The following UGT8 variants were observed in gnomAD, a reference collection of about 807,000 sequenced individuals.
UGT8 encodes 2-hydroxyacylsphingosine 1-beta-galactosyltransferase.
In UGT8, 12 loss-of-function variants were observed where a neutral mutation model predicts 40.5. That is an observed-to-expected ratio of 0.30 (90% CI 0.19 to 0.48). The LOEUF is 0.48. Ranked by LOEUF, UGT8 falls within the 20% of genes least tolerant of loss-of-function variation. UGT8 has a pLI of 0.99. For synonymous variants in UGT8, 224 were observed against 240.4 expected (o/e 0.93, Z 0.63); for missense variants, 513 against 648.7 (o/e 0.79, Z 2.27).
chr4:114,665,878 G>C (rs1310109953), intron 4 of UGT8, 122 bp downstream of exon 4: 10 of 596,128 alleles, frequency 1.7e-5, no homozygotes, highest in Non-Finnish European at 2.6e-5. Context: ...GTATATGGTA[G>C]AGTTATTATG....
intron 2 of UGT8, among the ~76,000 whole-genome samples, chr4:114,630,239 A>G (rs887842871): frequency 1.3e-5 from 2 of 152,220 alleles, no homozygotes; most frequent in African/African-American, 4.8e-5. Context: ...TGTTCCTTGT[A>G]CAAAATACCA....
chr4:114,608,535 A>G (rs1050218392), intron 1 of UGT8, among the ~76,000 whole-genome samples: 3 of 151,916 alleles, frequency 2.0e-5, no homozygotes, highest in South Asian at 2.1e-4. Context: ...ATTTTTTTTT[A>G]ACAAGGTGTT....
intron 2 of UGT8, among the ~76,000 whole-genome samples, chr4:114,650,056 G>A (rs1733807178): frequency 6.6e-6 from 1 of 152,092 alleles, no homozygotes; most frequent in African/African-American, 2.4e-5. Context: ...TACCCACCCT[G>A]AGCTCACATG....
chr4:114,621,934 A>G (rs1252810223), intron 1 of UGT8, among the ~76,000 whole-genome samples: 1 of 151,974 alleles, frequency 6.6e-6, no homozygotes, highest in Non-Finnish European at 1.5e-5. Flanking sequence ...ATGTTAGTGT[A>G]TAATACTATA....
At chr4:114,618,583 A>AT (rs1385124818) in intron 1 of UGT8, among the ~76,000 whole-genome samples, 1 of 152,180 alleles carries the variant, frequency 6.6e-6, no homozygotes, top group East Asian at 1.9e-4. Flanking sequence ...TTAATCTGCC[A>AT]TTTTAAACTG....
At chr4:114,664,311 C>T (rs1262580791) in intron 3 of UGT8, among the ~76,000 whole-genome samples, 174 bp downstream of exon 3, 1 of 152,078 alleles carries the variant, frequency 6.6e-6, no homozygotes, top group Non-Finnish European at 1.5e-5. Flanking sequence ...TCATAAGGCT[C>T]TATGATGGTT....
chr4:114,629,241 G>C (rs888486401), intron 2 of UGT8, among the ~76,000 whole-genome samples: 6 of 152,118 alleles, frequency 3.9e-5, no homozygotes, highest in African/African-American at 1.4e-4. Context: ...AGCTATGTGG[G>C]GGTCAGAAAA....
intron 5 of UGT8, among the ~76,000 whole-genome samples, chr4:114,672,586 G>C (rs1735363157): frequency 6.6e-6 from 1 of 152,076 alleles, no homozygotes; most frequent in African/African-American, 2.4e-5. Context: ...AATACTGCGT[G>C]TTCTCACTCA....
intron 2 of UGT8, among the ~76,000 whole-genome samples, chr4:114,640,568 C>T (rs868865821): frequency 6.6e-6 from 1 of 152,084 alleles, no homozygotes; most frequent in African/African-American, 2.4e-5. Context: ...TGTATTAGTT[C>T]GTTTTCACAC....
At chr4:114,667,746 A>G in intron 4 of UGT8, 1 of 342,364 alleles carries the variant, frequency 2.9e-6, no homozygotes, top group Non-Finnish European at 4.1e-6. Flanking sequence ...CTGTTTTTTC[A>G]CTCTGGTATT....
chr4:114,618,776 T>C (rs1425045344), intron 1 of UGT8, among the ~76,000 whole-genome samples: 2 of 152,208 alleles, frequency 1.3e-5, no homozygotes, highest in Non-Finnish European at 2.9e-5. Context: ...AACACTGTGC[T>C]ATTCAATTTA....
At chr4:114,606,287 C>A in intron 1 of UGT8, among the ~76,000 whole-genome samples, 1 of 152,110 alleles carries the variant, frequency 6.6e-6, no homozygotes, top group East Asian at 1.9e-4. Flanking sequence ...TTACTAGCAA[C>A]GGAATGAGTG....
chr4:114,604,814 A>G (rs992835017), intron 1 of UGT8, among the ~76,000 whole-genome samples: 1 of 152,184 alleles, frequency 6.6e-6, no homozygotes, highest in East Asian at 1.9e-4. Context: ...TGAATTTTAT[A>G]TCTGTAGTTT....
In UGT8 at chr4:114,664,148, A is replaced by G. The variant is rs1262966161; in HGVS notation, c.965+11A>G. The stretch of plus-strand genomic sequence containing the variant: ...AAAAGTGATTTGGAGGTAAGGTAAT[A>G]ATGTAGATTGTTTCTTTGCTATTGA... On this transcript the variant is annotated intron_variant, in intron 3 of 5. Coordinates refer to ENST00000310836, the MANE Select transcript of UGT8 (RefSeq NM_001128174.3). The G allele has an allele frequency of 6.2e-7, 1 of 1,612,820 alleles. No individual in the cohort carries two copies. Among genetic ancestry groups the G allele is most frequent in the South Asian group, 1.1e-5 (1 of 91,054 alleles).
intron 2 of UGT8, among the ~76,000 whole-genome samples, chr4:114,659,167 T>G (rs1185157222): frequency 1.3e-5 from 2 of 152,180 alleles, no homozygotes; most frequent in Non-Finnish European, 2.9e-5. Flanking sequence ...ATGCAAATAC[T>G]TAACATATAG....
At chr4:114,674,602 A>G (rs972759398) in intron 5 of UGT8, among the ~76,000 whole-genome samples, 8 of 152,188 alleles carry the variant, frequency 5.3e-5, no homozygotes, top group Non-Finnish European at 2.9e-5. Flanking sequence ...CAGAATACCC[A>G]TGGGGAAGAC....
chr4:114,599,577 C>T (rs1239338067), intron 1 of UGT8, among the ~76,000 whole-genome samples: 2 of 152,232 alleles, frequency 1.3e-5, no homozygotes, highest in Non-Finnish European at 2.9e-5. Flanking sequence ...CCGCGCGACT[C>T]TCGACAATGG....
intron 1 of UGT8, among the ~76,000 whole-genome samples, chr4:114,608,000 G>T (rs1188161592): frequency 6.6e-6 from 1 of 152,104 alleles, no homozygotes; most frequent in Non-Finnish European, 1.5e-5. Context: ...ATTTTCACAT[G>T]GGGATCCAAA....
At chr4:114,603,943 A>T (rs1730586250) in intron 1 of UGT8, among the ~76,000 whole-genome samples, 2 of 152,150 alleles carry the variant, frequency 1.3e-5, no homozygotes, top group South Asian at 4.1e-4. Flanking sequence ...TATTTTTAAG[A>T]TGAAAATTTG....
Sources: gnomAD v4.1 joint callset for allele counts (sites outside exome capture counted in the v4.1 genomes callset) on GRCh38, gnomAD v4.1.1 for gene constraint, MANE v1.5 for transcripts, NCBI Gene and HGNC (gene_info 2026-07-23, HGNC 2026-07-21) for gene names.